SBF2: variants seen among roughly 807,000 people sequenced by gnomAD.
The protein encoded by SBF2 is SET binding factor 2, also known as myotubularin-related protein 13.
In SBF2, 112 loss-of-function variants were observed where a neutral mutation model predicts 225.2. The ratio of observed to expected loss-of-function variants is 0.50; its 90% CI spans 0.43 to 0.58. The LOEUF is 0.58. SBF2 is among the 20% of genes least tolerant of loss of function. The pLI, the probability that SBF2 is intolerant of heterozygous loss-of-function variation, is 0.00. For missense variants in SBF2, 1,996 were observed against 2,206.2 expected, an observed-to-expected ratio of 0.90 and a Z score of 1.91; for synonymous variants, 763 against 773.3, an observed-to-expected ratio of 0.99 and a Z score of 0.22.
chr11:9,934,541 A>C (rs948039247), intron 16 of SBF2, among the ~76,000 whole-genome samples: 3 of 152,214 alleles, frequency 2.0e-5, no homozygotes, highest in Non-Finnish European at 4.4e-5. Flanking sequence ...GATGAACATC[A>C]ATGTGAAAAT....
chr11:9,781,718 C>A, intron 38 of SBF2, 80 bp from the exon 39 acceptor site: 1 of 1,516,300 alleles, frequency 6.6e-7, no homozygotes, highest in Non-Finnish European at 9.1e-7. Flanking sequence ...ATTTGAATAC[C>A]TTCCTCTGTA....
In SBF2 at chr11:9,961,991, T is replaced by C; in HGVS notation, c.1826A>G (p.Asp609Gly). Residue 609 changes from aspartate to glycine, a missense_variant, in exon 16 of 40, where the codon GAC (aspartate) becomes GGC (glycine). Coordinates refer to ENST00000256190, the MANE Select transcript of SBF2 (RefSeq NM_030962.4). ...ACAATTCATCATCCTTATTATGTAG[T>C]CAAACTGTTGATGGTCTAATATTGC... ...NRAILDHQQF[D>G]YIIRMMNCTL... The C allele has an allele frequency of 1.9e-6, 3 of 1,614,030 alleles. No individual in the cohort carries two copies. Among genetic ancestry groups the C allele is most frequent in the South Asian group, 2.2e-5 (2 of 91,086 alleles).
chr11:9,944,059 T>G (rs1016825216), intron 16 of SBF2, among the ~76,000 whole-genome samples: 25 of 152,210 alleles, frequency 1.6e-4, no homozygotes, highest in African/African-American at 4.6e-4. Flanking sequence ...TGAAGCAACA[T>G]GTATGAATAT....
At chr11:9,803,881 T>C (rs1296976934) in intron 32 of SBF2, among the ~76,000 whole-genome samples, 1 of 152,140 alleles carries the variant, frequency 6.6e-6, no homozygotes, top group Non-Finnish European at 1.5e-5. Context: ...CAGTAAATGA[T>C]AGAAGAGGAG....
intron 1 of SBF2, among the ~76,000 whole-genome samples, chr11:10,231,147 G>A (rs1289836840): frequency 6.6e-6 from 1 of 152,176 alleles, no homozygotes; most frequent in Admixed American, 6.6e-5. Context: ...TCATGCCGTG[G>A]ATTTCAGCTC....
chr11:9,942,815 A>G (rs1865333850), intron 16 of SBF2, among the ~76,000 whole-genome samples: 1 of 151,574 alleles, frequency 6.6e-6, no homozygotes, highest in East Asian at 1.9e-4. Flanking sequence ...TGGGCGACAG[A>G]GTAAGAGAGT....
chr11:9,804,420 G>T (rs1853670643), intron 32 of SBF2, among the ~76,000 whole-genome samples: 1 of 152,092 alleles, frequency 6.6e-6, no homozygotes, highest in African/African-American at 2.4e-5. Flanking sequence ...ACTAATTAAA[G>T]ATTATTATTT....
intron 12 of SBF2, among the ~76,000 whole-genome samples, chr11:9,990,319 A>C (rs1947372649): frequency 6.6e-6 from 1 of 152,202 alleles, no homozygotes; most frequent in South Asian, 2.1e-4. Flanking sequence ...AAAGACTGTC[A>C]AGGGCAAACA....
chr11:9,919,664 C>A (rs1863438013), intron 16 of SBF2, among the ~76,000 whole-genome samples: 1 of 152,140 alleles, frequency 6.6e-6, no homozygotes, highest in Admixed American at 6.5e-5. Context: ...AGGGGTCCAT[C>A]TTTAACTACC....
At chr11:10,192,690 T>C (rs1957220770) in intron 2 of SBF2, among the ~76,000 whole-genome samples, 1 of 151,952 alleles carries the variant, frequency 6.6e-6, no homozygotes, top group South Asian at 2.1e-4. Flanking sequence ...CTCAAAGTAG[T>C]TGAGCAACTT....
intron 16 of SBF2, among the ~76,000 whole-genome samples, chr11:9,907,719 T>C (rs988590146): frequency 2.0e-5 from 3 of 152,222 alleles, no homozygotes; most frequent in Admixed American, 1.3e-4. Flanking sequence ...ACTTTTAACT[T>C]TATATGCCTG....
intron 26 of SBF2, among the ~76,000 whole-genome samples, chr11:9,833,429 T>TC (rs1003126730): frequency 6.6e-6 from 1 of 150,982 alleles, no homozygotes; most frequent in African/African-American, 2.4e-5. Flanking sequence ...TGATTTTTTT[T>TC]TTTTTTTTTG....
At chr11:10,106,018 TA>T (rs1289843069) in intron 2 of SBF2, among the ~76,000 whole-genome samples, 3 of 152,210 alleles carry the variant, frequency 2.0e-5, no homozygotes, top group African/African-American at 7.2e-5. Context: ...CAAATGTGTG[TA>T]GTTTTATTTT....
At chr11:10,014,475 G>A (rs1948568878) in intron 6 of SBF2, among the ~76,000 whole-genome samples, 1 of 98,246 alleles carries the variant, frequency 1.0e-5, no homozygotes, top group Non-Finnish European at 2.0e-5. Context: ...ACACATAAAA[G>A]AGCTTCAGAA....
At chr11:9,879,044 C>T (rs773407640) in intron 17 of SBF2, among the ~76,000 whole-genome samples, 5 of 152,316 alleles carry the variant, frequency 3.3e-5, no homozygotes, top group South Asian at 2.1e-4. Context: ...AATGTTTGCA[C>T]TTTGGACATA....
intron 2 of SBF2, among the ~76,000 whole-genome samples, chr11:10,182,838 G>A (rs1956791173): frequency 6.6e-6 from 1 of 151,438 alleles, no homozygotes; most frequent in Admixed American, 6.6e-5. Context: ...CAGTGGCGAT[G>A]TCTCGTCTCA....
chr11:10,090,246 G>T (rs1951722762), intron 2 of SBF2, among the ~76,000 whole-genome samples: 2 of 152,136 alleles, frequency 1.3e-5, no homozygotes, highest in Non-Finnish European at 2.9e-5. Flanking sequence ...AAGTTCTGGG[G>T]ATGGATAGCA....
chr11:10,076,894 C>G (rs1294214439), intron 2 of SBF2, among the ~76,000 whole-genome samples: 1 of 152,188 alleles, frequency 6.6e-6, no homozygotes, highest in African/African-American at 2.4e-5. Context: ...TCCAGCCTAG[C>G]CCCATTTGGC....
At position 9,817,733 on chromosome 11, in the gene SBF2, C is replaced by A. The variant is rs1166688555; in HGVS notation, c.3794-709G>T. On this transcript the variant is annotated intron_variant, in intron 28 of 39. Transcript: ENST00000256190. ...CAGCCTGGGCAACATGGTGAAACCCCGTCTCTACCAAAAAAAAAAAAAAAA... is the reference window on the plus strand; with the variant it reads ...CAGCCTGGGCAACATGGTGAAACCCAGTCTCTACCAAAAAAAAAAAAAAAA... Among the ~76,000 whole-genome samples, 4 of 139,648 alleles carry A rather than the reference C, an allele frequency of 2.9e-5. No individual in the cohort carries two copies. The South Asian group carries it at 9.2e-4, about 32-fold the overall frequency. 91.6% of individuals were successfully genotyped at this position (139,648 alleles called of 152,430 possible). A position where few individuals can be genotyped will look rare whatever the true frequency, so the allele number is the denominator to read the frequency against.
Sources: allele counts gnomAD v4.1 joint callset (sites outside exome capture counted in the v4.1 genomes callset), GRCh38; gene constraint gnomAD v4.1.1; transcripts MANE v1.5; gene names NCBI Gene and HGNC (gene_info 2026-07-23, HGNC 2026-07-21).